The following MAP3K5 variants were observed in gnomAD, a reference collection of about 807,000 sequenced individuals.
The protein encoded by MAP3K5 is ASK-1.
A neutral mutation model predicts 158.7 loss-of-function variants in MAP3K5; 56 were observed. That is an observed-to-expected ratio of 0.35 (90% CI 0.28 to 0.44). The LOEUF (loss-of-function observed/expected upper bound fraction) is 0.44. Among genes scored for constraint, MAP3K5 ranks in the 20% least tolerant of loss-of-function variants. The pLI is 1.00. For missense variants in MAP3K5, 1,294 were observed against 1,674.8 expected (o/e 0.77, Z 3.97); for synonymous variants, 579 against 601.7 (o/e 0.96, Z 0.55).
intron 1 of MAP3K5, among the ~76,000 whole-genome samples, chr6:136,772,292 T>A (rs991350261): frequency 2.0e-5 from 3 of 152,136 alleles, no homozygotes; most frequent in Non-Finnish European, 4.4e-5. Context: ...ATTAAGTATA[T>A]GAAATGTTTC....
intron 28 of MAP3K5, among the ~76,000 whole-genome samples, chr6:136,561,305 A>G (rs1830500796): frequency 6.6e-6 from 1 of 152,176 alleles, no homozygotes; most frequent in East Asian, 1.9e-4. Flanking sequence ...CGCCCTATCT[A>G]ATAAACACCT....
chr6:136,618,382 GC>G (rs1231124560), intron 15 of MAP3K5, among the ~76,000 whole-genome samples: 1 of 152,230 alleles, frequency 6.6e-6, no homozygotes, highest in Non-Finnish European at 1.5e-5. Flanking sequence ...CAAGCTAAGG[GC>G]TTGTCATGTG....
intron 11 of MAP3K5, among the ~76,000 whole-genome samples, chr6:136,644,400 G>C (rs1214492986): frequency 2.0e-5 from 3 of 152,186 alleles, no homozygotes; most frequent in East Asian, 3.9e-4. Context: ...TGGGAATCAG[G>C]GAAAACAGCA....
chr6:136,590,147 G>A (rs1775319380), intron 23 of MAP3K5, among the ~76,000 whole-genome samples: 1 of 152,118 alleles, frequency 6.6e-6, no homozygotes, highest in Non-Finnish European at 1.5e-5. Flanking sequence ...AAGCCCCACT[G>A]CCTTTCTACT....
chr6:136,739,097 C>G (rs1782603235), intron 1 of MAP3K5, among the ~76,000 whole-genome samples: 1 of 152,120 alleles, frequency 6.6e-6, no homozygotes, highest in African/African-American at 2.4e-5. Context: ...GCATTTTGAA[C>G]AGTACAACAG....
At chr6:136,762,421 C>T (rs192764379) in intron 1 of MAP3K5, among the ~76,000 whole-genome samples, 1 of 152,340 alleles carries the variant, frequency 6.6e-6, no homozygotes, top group East Asian at 1.9e-4. Context: ...CATGCTTGCA[C>T]ATGACCCTCA....
intron 25 of MAP3K5, among the ~76,000 whole-genome samples, chr6:136,576,807 C>T (rs985514672): frequency 6.6e-6 from 1 of 152,118 alleles, no homozygotes; most frequent in Admixed American, 6.6e-5. Context: ...TTACAGTGGT[C>T]CCATAAGATT....
At chr6:136,579,607 G>A (rs1774776884) in intron 25 of MAP3K5, among the ~76,000 whole-genome samples, 1 of 152,194 alleles carries the variant, frequency 6.6e-6, no homozygotes, top group Admixed American at 6.5e-5. Context: ...CACCAAGACT[G>A]AACCCTAATG....
chr6:136,656,095 C>A (rs1377717453), intron 10 of MAP3K5: 3 of 508,548 alleles, frequency 5.9e-6, no homozygotes, highest in Non-Finnish European at 7.0e-6. Context: ...AATTCCATGG[C>A]AAAAACATAA....
At chr6:136,686,275 AAAT>A (rs2114619052) in intron 7 of MAP3K5, among the ~76,000 whole-genome samples, 1 of 152,240 alleles carries the variant, frequency 6.6e-6, no homozygotes, top group African/African-American at 2.4e-5. Flanking sequence ...ATGTATCTCA[AAAT>A]AATAAGAGGT....
chr6:136,699,310 C>A (rs1378462288), intron 3 of MAP3K5, among the ~76,000 whole-genome samples: 5 of 152,190 alleles, frequency 3.3e-5, no homozygotes, highest in African/African-American at 1.2e-4. Context: ...TTAGTCCATG[C>A]ACCAATGGAC....
intron 24 of MAP3K5, among the ~76,000 whole-genome samples, chr6:136,582,813 C>T (rs1774949284): frequency 6.6e-6 from 1 of 152,186 alleles, no homozygotes; most frequent in African/African-American, 2.4e-5. Context: ...TTCAGTCTCC[C>T]ACATCTTGTT....
chr6:136,737,020 C>CATATATATAT (rs1370116837), intron 1 of MAP3K5, among the ~76,000 whole-genome samples: 1 of 78,626 alleles, frequency 1.3e-5, no homozygotes, highest in African/African-American at 6.3e-5. Flanking sequence ...ATTAATTTTA[C>CATATATATAT]ATATATATAT....
chr6:136,784,956 G>C (rs564185063), intron 1 of MAP3K5, among the ~76,000 whole-genome samples: 2 of 152,072 alleles, frequency 1.3e-5, no homozygotes, highest in South Asian at 4.1e-4. Context: ...CTCTTACTTG[G>C]AAAAATTTAA....
intron 7 of MAP3K5, among the ~76,000 whole-genome samples, chr6:136,677,692 G>A (rs1779766265): frequency 6.6e-6 from 1 of 152,172 alleles, no homozygotes; most frequent in African/African-American, 2.4e-5. Context: ...CAAAGCTTCT[G>A]CTTAGAATGC....
intron 17 of MAP3K5, among the ~76,000 whole-genome samples, chr6:136,611,797 A>G (rs1187479637): frequency 2.0e-5 from 3 of 152,232 alleles, no homozygotes; most frequent in Non-Finnish European, 4.4e-5. Context: ...ATGAAAGGCC[A>G]CCAGGTTAGG....
At chr6:136,740,243 G>T (rs186018648) in intron 1 of MAP3K5, among the ~76,000 whole-genome samples, 89 of 152,308 alleles carry the variant, frequency 5.8e-4, no homozygotes, top group African/African-American at 1.9e-3. Context: ...GTGGGAGTGT[G>T]CACAGCGGGG....
At chr6:136,734,543 T>C (rs1225689061) in intron 1 of MAP3K5, among the ~76,000 whole-genome samples, 1 of 152,050 alleles carries the variant, frequency 6.6e-6, no homozygotes, top group Admixed American at 6.6e-5. Flanking sequence ...GAAGGTGTGC[T>C]GGGTTTGAGT....
chr6:136,613,782 T>C lies in MAP3K5; in HGVS notation c.2278+377A>G, dbSNP rs938989429. On this transcript the variant is annotated intron_variant, in intron 16 of 29. Transcript: ENST00000359015. This position sits in a 1 kb window ranked among gnomAD's most constrained non-coding sequence, Gnocchi z 4.0. The stretch of plus-strand genomic sequence containing the variant: ...TTATGGAACATTAAAATAATGTGCC[T>C]TGGAATACAGCAAGCTGTAACCACT... Among the ~76,000 whole-genome samples the C allele has an allele frequency of 2.0e-5, 3 of 152,072 alleles. No individual in the cohort carries two copies. Among genetic ancestry groups the C allele is most frequent in the Non-Finnish European group, 2.9e-5 (2 of 68,010 alleles).
Sources: gnomAD v4.1 joint callset for allele counts (sites outside exome capture counted in the v4.1 genomes callset) on GRCh38, gnomAD v4.1.1 for gene constraint, Gnocchi (gnomAD v3.1) non-coding constraint, MANE v1.5 for transcripts, NCBI Gene and HGNC (gene_info 2026-07-23, HGNC 2026-07-21) for gene names.